Variants in PCDHGA2 observed in about 807,000 individuals in gnomAD.
The protein encoded by PCDHGA2 is protocadherin gamma subfamily A, 2.
In PCDHGA2, 40 loss-of-function variants were observed where a neutral mutation model predicts 59.2. The ratio of observed to expected loss-of-function variants is 0.68; its 90% confidence interval spans 0.52 to 0.88. PCDHGA2 has a LOEUF of 0.88. PCDHGA2 is among the 40% of genes least tolerant of loss of function. The pLI, the probability that PCDHGA2 is intolerant of heterozygous loss-of-function variation, is 0.00. For missense variants in PCDHGA2, 1,226 were observed against 1,204.0 expected (o/e 1.02, Z -0.27); for synonymous variants, 560 against 526.0 (o/e 1.06, Z -0.89).
intron 1 of PCDHGA2, chr5:141,379,377 T>C (rs1263965751): frequency 1.3e-5 from 2 of 152,208 alleles, no homozygotes; most frequent in Non-Finnish European, 2.9e-5. Flanking sequence ...TTTGATAAAA[T>C]AACAATTTTA....
At position 141,491,692 on chromosome 5, in the gene PCDHGA2, C is replaced by A. The variant is rs749349869; in HGVS notation, c.2425-3115C>A. The A allele has an allele frequency of 6.2e-7, 1 of 1,612,592 alleles. No homozygotes were observed. Among genetic ancestry groups the A allele is most frequent in the Non-Finnish European group, 8.5e-7 (1 of 1,179,338 alleles). On this transcript the variant is annotated intron_variant, in intron 1 of 3. Coordinates refer to ENST00000394576, the MANE Select transcript of PCDHGA2 (RefSeq NM_018915.4). This position sits in a 1 kb window ranked among gnomAD's most constrained non-coding sequence, Gnocchi z 6.9. ...GTCCCGCTCTAATACGCTGCGGGAG[C>A]GGAGCCAGGTGAGGGGCTCGGCGCC...
chr5:141,496,440 A>G (rs2099768848), intron 2 of PCDHGA2, among the ~76,000 whole-genome samples: 1 of 152,158 alleles, frequency 6.6e-6, no homozygotes, highest in South Asian at 2.1e-4. Flanking sequence ...AAGTTGCTAC[A>G]GATGCTGAGC....
intron 1 of PCDHGA2, chr5:141,383,711 A>G (rs201269369): frequency 5.5e-4 from 889 of 1,614,004 alleles, no homozygotes; most frequent in Non-Finnish European, 6.8e-4. Flanking sequence ...GACCTGGACG[A>G]GGGAGTCAAT....
In PCDHGA2 at chr5:141,366,223, C is replaced by T. The variant is rs141416995; in HGVS notation, c.2424+24828C>T. 8,329 of 1,613,836 alleles carry T rather than the reference C, an allele frequency of 5.2e-3. 46 individuals are homozygous for T. The highest frequency in any genetic ancestry group is 9.4e-3 in the Admixed American group (566 of 60,034). The stretch of plus-strand genomic sequence containing the variant: ...CGGGCGAGGTGCGCACAGCGCGAGC[C>T]CTGCTGGACAGAGACGCGCTCAAGC... On this transcript the variant is annotated intron_variant, in intron 1 of 3. Coordinates refer to ENST00000394576, the MANE Select transcript of PCDHGA2 (RefSeq NM_018915.4).
At chr5:141,443,131 A>C (rs1042010214) in intron 1 of PCDHGA2, among the ~76,000 whole-genome samples, 2 of 152,144 alleles carry the variant, frequency 1.3e-5, no homozygotes, top group African/African-American at 4.8e-5. Flanking sequence ...GATTAAGAAC[A>C]CTATCATAAG....
intron 1 of PCDHGA2, among the ~76,000 whole-genome samples, chr5:141,435,953 G>A (rs2097789156): frequency 6.6e-6 from 1 of 151,984 alleles, no homozygotes; most frequent in Non-Finnish European, 1.5e-5. Context: ...CAAAAAAGGG[G>A]GCAAAATATA....
chr5:141,452,968 A>G (rs1028716079), intron 1 of PCDHGA2, among the ~76,000 whole-genome samples: 3 of 152,210 alleles, frequency 2.0e-5, no homozygotes, highest in Non-Finnish European at 4.4e-5. Flanking sequence ...AACTGAGGGT[A>G]TATTGTCAAA....
chr5:141,408,655 A>G (rs778418746), intron 1 of PCDHGA2: 1 of 1,613,928 alleles, frequency 6.2e-7, no homozygotes, highest in African/African-American at 1.3e-5. Flanking sequence ...CTGGTACACG[A>G]CTATCGCTTG....
intron 1 of PCDHGA2, chr5:141,370,594 G>A (rs755061180): frequency 1.2e-6 from 2 of 1,613,892 alleles, no homozygotes; most frequent in Admixed American, 1.7e-5. Context: ...AGGAACCTGC[G>A]GGTTATTGCA....
rs1188870363 is a variant in PCDHGA2 at position 141,490,058 on chromosome 5, C to T, written c.2425-4749C>T. ...AATGCCACTGATCCAGACGAGGGCA[C>T]CAACGGCCAACTAGACTATTCTTTT... On this transcript the variant is annotated intron_variant, in intron 1 of 3. Coordinates refer to ENST00000394576, the MANE Select transcript of PCDHGA2 (RefSeq NM_018915.4). The surrounding 1 kb of genome is among the most constrained non-coding windows in gnomAD (Gnocchi z 5.4). The T allele has an allele frequency of 6.2e-7, 1 of 1,614,230 alleles. No individual in the cohort carries two copies. Among genetic ancestry groups the T allele is most frequent in the South Asian group, 1.1e-5 (1 of 91,084 alleles).
chr5:141,352,742 C>T, intron 1 of PCDHGA2: 1 of 1,466,892 alleles, frequency 6.8e-7, no homozygotes, highest in Non-Finnish European at 9.2e-7. Flanking sequence ...GTAATCCCAG[C>T]ACTTAACCAG....
At chr5:141,374,927 G>A (rs754203986) in intron 1 of PCDHGA2, 1 of 1,613,960 alleles carries the variant, frequency 6.2e-7, no homozygotes, top group Non-Finnish European at 8.5e-7. Flanking sequence ...TTATTCCTTT[G>A]TGAAGATTAC....
At chr5:141,394,359 G>A in intron 1 of PCDHGA2, 3 of 1,614,204 alleles carry the variant, frequency 1.9e-6, no homozygotes, top group Non-Finnish European at 2.5e-6. Context: ...TGTCCTGTAT[G>A]CGCTGCAATC....
chr5:141,471,637 T>G (rs1284100810), intron 1 of PCDHGA2: 1 of 152,198 alleles, frequency 6.6e-6, no homozygotes, highest in Non-Finnish European at 1.5e-5. Context: ...TATGGATTAG[T>G]AATATACTGG....
rs570982273 is a variant in PCDHGA2, at chr5:141,476,764, G to T, written c.2425-18043G>T. On this transcript the variant is annotated intron_variant, in intron 1 of 3. Coordinates refer to ENST00000394576, the MANE Select transcript of PCDHGA2 (RefSeq NM_018915.4). This position sits in a 1 kb window ranked among gnomAD's most constrained non-coding sequence, Gnocchi z 7.6. ...CTAGTCTCCAGTTAGTGCTGACGGC[G>T]TTGGACGGAGGGACCCCAGCTCTCT... 1.2e-5 allele frequency: 19 copies of T among 1,613,794 alleles called. No individual in the cohort carries two copies. In the East Asian group the frequency reaches 3.8e-4, roughly 32 times the overall value.
In PCDHGA2 at chr5:141,477,074, A is replaced by G; in HGVS notation, c.2425-17733A>G. Reference sequence around the variant, plus strand: ...CTTCGAGGACACCAAACTCCATGAGATTTACATCCAGGCCAAAGACAAGGG... The same window carrying G: ...CTTCGAGGACACCAAACTCCATGAGGTTTACATCCAGGCCAAAGACAAGGG... On this transcript the variant is annotated intron_variant, in intron 1 of 3. Coordinates refer to ENST00000394576, the MANE Select transcript of PCDHGA2 (RefSeq NM_018915.4). This position sits in a 1 kb window ranked among gnomAD's most constrained non-coding sequence, Gnocchi z 4.9. 1 of 1,614,250 alleles carries G rather than the reference A, an allele frequency of 6.2e-7. No homozygotes were observed.
chr5:141,486,163 G>A lies in PCDHGA2; in HGVS notation c.2425-8644G>A. 2.5e-6 allele frequency: 4 copies of A among 1,614,212 alleles called. No individual in the cohort carries two copies. Among genetic ancestry groups the A allele is most frequent in the Non-Finnish European group, 3.4e-6 (4 of 1,180,034 alleles). The stretch of plus-strand genomic sequence containing the variant: ...CTCGCGATGGGGGTTCTCCAGCCAT[G>A]GAGCAACATTGCAGCCTTCGAGTGG... On this transcript the variant is annotated intron_variant, in intron 1 of 3. Transcript: ENST00000394576. This position sits in a 1 kb window ranked among gnomAD's most constrained non-coding sequence, Gnocchi z 5.0.
At chr5:141,452,193 GT>G (rs1375451557) in intron 1 of PCDHGA2, among the ~76,000 whole-genome samples, 1 of 151,990 alleles carries the variant, frequency 6.6e-6, no homozygotes, top group Non-Finnish European at 1.5e-5. Context: ...ACCTCAAATT[GT>G]TTTAGATGTT....
intron 1 of PCDHGA2, among the ~76,000 whole-genome samples, chr5:141,434,192 A>G (rs2097676888): frequency 6.6e-6 from 1 of 152,194 alleles, no homozygotes; most frequent in Non-Finnish European, 1.5e-5. Context: ...TGTAATTCCA[A>G]TGTACTTACT....
Sources: gnomAD v4.1 joint callset for allele counts (sites outside exome capture counted in the v4.1 genomes callset) on GRCh38, gnomAD v4.1.1 for gene constraint, Gnocchi (gnomAD v3.1) non-coding constraint, MANE v1.5 for transcripts, NCBI Gene and HGNC (gene_info 2026-07-23, HGNC 2026-07-21) for gene names.